SLC24A2: variants seen among roughly 807,000 people sequenced by gnomAD.
SLC24A2 encodes the protein solute carrier family 24 member 2.
Under a neutral mutation model 62.0 loss-of-function variants are expected in SLC24A2, and 36 were observed. The observed-to-expected ratio is 0.58, with a 90% CI of 0.44 to 0.77. The LOEUF (loss-of-function observed/expected upper bound fraction) is 0.77, where lower values mean the gene tolerates loss of function less well. SLC24A2 is among the 30% of genes least tolerant of loss of function. The pLI is 0.00. For synonymous variants in SLC24A2, 358 were observed against 294.0 expected (o/e 1.22, Z -2.23); for missense variants, 846 against 817.9 (o/e 1.03, Z -0.42).
At chr9:20,166,363 T>C in the SLC24A2 span, among the ~76,000 whole-genome samples, 2 of 151,988 alleles carry the variant, frequency 1.3e-5, no homozygotes, top group Admixed American at 6.6e-5. Context: ...TATCTAAGTG[T>C]CCAAAAATAG....
the SLC24A2 span, among the ~76,000 whole-genome samples, chr9:19,918,140 A>G: frequency 5.4e-5 from 8 of 148,042 alleles, no homozygotes; most frequent in Middle Eastern, 3.5e-3. Flanking sequence ...AACTGACATT[A>G]TGTGTGTGTG....
chr9:20,224,339 G>A, the SLC24A2 span, among the ~76,000 whole-genome samples: 23 of 151,854 alleles, frequency 1.5e-4, no homozygotes, highest in African/African-American at 5.6e-4. Flanking sequence ...CCACAAACAC[G>A]ATGAGTTGCC....
chr9:19,551,434 C>T (rs910221086), intron 7 of SLC24A2, among the ~76,000 whole-genome samples: 1 of 152,070 alleles, frequency 6.6e-6, no homozygotes, highest in African/African-American at 2.4e-5. Context: ...CAGGGGGTGA[C>T]CGTTAGCCTG....
At chr9:19,905,817 A>G in the SLC24A2 span, among the ~76,000 whole-genome samples, 1 of 152,226 alleles carries the variant, frequency 6.6e-6, no homozygotes, top group African/African-American at 2.4e-5. Context: ...ACAGGAGGAA[A>G]GAACATAATT....
the SLC24A2 span, among the ~76,000 whole-genome samples, chr9:20,102,281 ACATATACACCACAGAATACTATGCAGC>A: frequency 1.3e-5 from 2 of 152,118 alleles, no homozygotes; most frequent in Non-Finnish European, 2.9e-5. Context: ...AAAATGTGGC[ACATATACACCACAGAATACTATGCAGC>A]CATAAAAAAA....
At chr9:19,607,718 CA>C (rs769291086) in intron 4 of SLC24A2, among the ~76,000 whole-genome samples, 3,187 of 67,236 alleles carry the variant, frequency 0.047, 34 homozygotes, top group African/African-American at 0.099. Context: ...GACTCTGTCT[CA>C]AAAAAAAAAA....
At chr9:19,985,844 T>C in the SLC24A2 span, among the ~76,000 whole-genome samples, 22 of 152,114 alleles carry the variant, frequency 1.4e-4, no homozygotes, top group African/African-American at 5.3e-4. Context: ...TAGGGGTAAA[T>C]CTTCATAGCC....
intron 2 of SLC24A2, among the ~76,000 whole-genome samples, chr9:19,744,971 G>C (rs898658497): frequency 1.3e-5 from 2 of 152,118 alleles, no homozygotes; most frequent in African/African-American, 2.4e-5. Flanking sequence ...GATATGGTCT[G>C]GACATTTGTC....
the SLC24A2 span, among the ~76,000 whole-genome samples, chr9:20,300,391 T>C: frequency 1.3e-5 from 2 of 152,218 alleles, no homozygotes; most frequent in East Asian, 1.9e-4. Context: ...TTGTTTTCTA[T>C]AAAATGGCCT....
chr9:19,962,024 T>C, the SLC24A2 span, among the ~76,000 whole-genome samples: 4 of 152,356 alleles, frequency 2.6e-5, no homozygotes, highest in Non-Finnish European at 5.9e-5. Context: ...GGATAATTGT[T>C]ATACAGTAAT....
At chr9:19,793,637 C>G (rs989129016), upstream of SLC24A2, among the ~76,000 whole-genome samples, 1 of 152,094 alleles carries the variant, frequency 6.6e-6, no homozygotes, top group African/African-American at 2.4e-5. Flanking sequence ...TATTATTATC[C>G]ACAGATGAAG....
chr9:20,233,247 T>C, the SLC24A2 span, among the ~76,000 whole-genome samples: 1 of 152,224 alleles, frequency 6.6e-6, no homozygotes, highest in Admixed American at 6.5e-5. Flanking sequence ...TAGGTCTGCT[T>C]GGTGCAGAGC....
chr9:20,083,316 G>A, the SLC24A2 span, among the ~76,000 whole-genome samples: 1 of 152,136 alleles, frequency 6.6e-6, no homozygotes, highest in Non-Finnish European at 1.5e-5. Context: ...CAGCAGTTGC[G>A]CTGCACCTTA....
chr9:19,573,282 G>C (rs1337333338), intron 7 of SLC24A2, 69 bp downstream of exon 7: 3 of 1,042,158 alleles, frequency 2.9e-6, no homozygotes, highest in African/African-American at 3.1e-5. Flanking sequence ...AGAATATAGG[G>C]TCTGTGCTGC....
At chr9:19,746,689 T>C (rs1447649396) in intron 2 of SLC24A2, among the ~76,000 whole-genome samples, 1 of 152,128 alleles carries the variant, frequency 6.6e-6, no homozygotes, top group Admixed American at 6.6e-5. Flanking sequence ...TATCTCCCTT[T>C]AAAAAGCTAA....
the SLC24A2 span, among the ~76,000 whole-genome samples, chr9:19,891,831 G>T: frequency 6.6e-6 from 1 of 152,124 alleles, no homozygotes; most frequent in South Asian, 2.1e-4. Context: ...ATTACCTTAG[G>T]ATGGCACTAA....
At chr9:19,807,374 T>C in the SLC24A2 span, among the ~76,000 whole-genome samples, 1 of 152,376 alleles carries the variant, frequency 6.6e-6, no homozygotes, top group Middle Eastern at 3.4e-3. Flanking sequence ...TGTTTCCTAA[T>C]TTGGTTATTC....
chr9:19,581,331 T>A (rs1390816196), intron 5 of SLC24A2, among the ~76,000 whole-genome samples: 2 of 152,176 alleles, frequency 1.3e-5, no homozygotes, highest in Non-Finnish European at 2.9e-5. Context: ...AATGGGGACA[T>A]GATGATCAGC....
chr9:19,968,272 A>G, the SLC24A2 span, among the ~76,000 whole-genome samples: 1 of 152,206 alleles, frequency 6.6e-6, no homozygotes, highest in Admixed American at 6.5e-5. Context: ...GGCCACAGAG[A>G]GTAATTTGAC....
Sources: allele counts gnomAD v4.1 joint callset (sites outside exome capture counted in the v4.1 genomes callset), GRCh38; gene constraint gnomAD v4.1.1; transcripts MANE v1.5; gene names NCBI Gene and HGNC (gene_info 2026-07-23, HGNC 2026-07-21).